Variants in STK31 observed in about 807,000 individuals in gnomAD.
STK31 encodes the protein serine/threonine kinase 31.
STK31 carries 89 observed loss-of-function variants against 129.7 expected under a neutral mutation model. That is an observed-to-expected ratio of 0.69 (90% confidence interval 0.58 to 0.82). STK31 has a LOEUF of 0.82. Ranked by LOEUF, STK31 falls within the 40% of genes least tolerant of loss-of-function variation. The probability of loss-of-function intolerance (pLI) is 0.00; values close to 1 mark genes in which losing one functional copy is unlikely to be tolerated. For missense variants in STK31, 1,187 were observed against 1,176.4 expected (o/e 1.01, Z -0.13); for synonymous variants, 448 against 395.3 (o/e 1.13, Z -1.58).
intron 6 of STK31, among the ~76,000 whole-genome samples, chr7:23,730,878 A>ATTTTTTTTT (rs60712892): frequency 3.5e-4 from 21 of 59,538 alleles, no homozygotes; most frequent in Admixed American, 5.4e-4. Flanking sequence ...ATATATATAT[A>ATTTTTTTTT]TTTTTTTTTT....
At chr7:23,769,309 C>T (rs2128102837) in intron 12 of STK31, 135 bp downstream of exon 12, 1 of 785,904 alleles carries the variant, frequency 1.3e-6, no homozygotes, top group East Asian at 3.1e-5. Flanking sequence ...CCTTACCAGT[C>T]AAGGTTCTTT....
intron 3 of STK31, among the ~76,000 whole-genome samples, chr7:23,714,810 T>A (rs1413126201): frequency 6.6e-6 from 1 of 152,106 alleles, no homozygotes; most frequent in Non-Finnish European, 1.5e-5. Flanking sequence ...GATCAGATGA[T>A]GAGTATTTTA....
intron 15 of STK31, among the ~76,000 whole-genome samples, chr7:23,775,604 GTTCACTCA>G (rs1344650901): frequency 6.6e-6 from 1 of 152,136 alleles, no homozygotes; most frequent in East Asian, 1.9e-4. Flanking sequence ...GTGAATGGGA[GTTCACTCA>G]TGATTTGGCT....
intron 23 of STK31, among the ~76,000 whole-genome samples, chr7:23,822,071 G>A (rs1458782256): frequency 6.6e-6 from 1 of 152,128 alleles, no homozygotes. Context: ...AAGTCAGTGT[G>A]ATGCCTCCAC....
chr7:23,819,022 A>T (rs558024637), intron 23 of STK31, among the ~76,000 whole-genome samples: 35 of 152,304 alleles, frequency 2.3e-4, no homozygotes, highest in South Asian at 2.1e-4. Flanking sequence ...GAAAAAAATT[A>T]TATTTTTATT....
At chr7:23,809,028 T>C (rs145196651) in intron 22 of STK31, among the ~76,000 whole-genome samples, 12 of 149,500 alleles carry the variant, frequency 8.0e-5, no homozygotes, top group East Asian at 4.0e-4. Flanking sequence ...ATCAGAGATA[T>C]AGGGGGGCAA....
chr7:23,730,856 T>TTATATATATA (rs201160478), intron 6 of STK31, among the ~76,000 whole-genome samples: 5 of 75,234 alleles, frequency 6.6e-5, no homozygotes, highest in East Asian at 4.0e-4. Flanking sequence ...ATATAAACAT[T>TTATATATATA]TATATATATA....
At chr7:23,781,657 A>C (rs1163298806) in intron 16 of STK31, 137 bp downstream of exon 16, 1 of 535,328 alleles carries the variant, frequency 1.9e-6, no homozygotes, top group Non-Finnish European at 3.2e-6. Flanking sequence ...TTGACCTGGT[A>C]AGATTTTTGT....
intron 17 of STK31, among the ~76,000 whole-genome samples, chr7:23,783,954 AAAATTTT>A (rs1791097334): frequency 3.3e-5 from 5 of 152,240 alleles, no homozygotes; most frequent in African/African-American, 1.2e-4. Context: ...ATGACAAAAT[AAAATTTT>A]AACTGCTATT....
chr7:23,826,331 T>C (rs532119322), intron 23 of STK31, among the ~76,000 whole-genome samples: 3 of 152,294 alleles, frequency 2.0e-5, no homozygotes, highest in African/African-American at 7.2e-5. Context: ...CTTGTTGAAT[T>C]GATCCCTTTA....
intron 22 of STK31, among the ~76,000 whole-genome samples, chr7:23,797,850 T>C (rs1201454358): frequency 6.6e-6 from 1 of 152,060 alleles, no homozygotes; most frequent in Non-Finnish European, 1.5e-5. Flanking sequence ...ATTAACAAAA[T>C]AGATAGACCA....
At chr7:23,803,767 G>A (rs1792523351) in intron 22 of STK31, among the ~76,000 whole-genome samples, 2 of 152,110 alleles carry the variant, frequency 1.3e-5, no homozygotes. Context: ...CCCCGTGTCT[G>A]TTGTTCCCTT....
chr7:23,790,576 A>G (rs912515611), intron 21 of STK31, among the ~76,000 whole-genome samples: 3 of 152,190 alleles, frequency 2.0e-5, no homozygotes, highest in African/African-American at 4.8e-5. Flanking sequence ...TAATCACAGA[A>G]TAAGTGGTTG....
chr7:23,742,331 C>T (rs945512244), intron 8 of STK31, among the ~76,000 whole-genome samples: 5 of 152,214 alleles, frequency 3.3e-5, no homozygotes, highest in Non-Finnish European at 7.3e-5. Context: ...CAAGTATCCT[C>T]CTGGGGGTGC....
chr7:23,716,555 T>TCCTTC (rs1786335373), intron 3 of STK31, among the ~76,000 whole-genome samples: 1 of 152,172 alleles, frequency 6.6e-6, no homozygotes, highest in African/African-American at 2.4e-5. Flanking sequence ...TTCCCCTCAT[T>TCCTTC]CCTTCCACAT....
chr7:23,758,012 C>T (rs12531940), intron 10 of STK31, among the ~76,000 whole-genome samples: 10,839 of 152,178 alleles, frequency 0.071, 458 homozygotes, highest in East Asian at 0.12. Context: ...AACCTTGAGT[C>T]GACACAGCAC....
At chr7:23,721,945 C>A (rs1353821570) in intron 4 of STK31, among the ~76,000 whole-genome samples, 1 of 152,188 alleles carries the variant, frequency 6.6e-6, no homozygotes, top group Admixed American at 6.5e-5. Flanking sequence ...AAGGACTTCT[C>A]TACACTGTTT....
rs1791325774 is a variant in STK31 at position 23,787,003 on chromosome 7, A to G, written c.2487+79A>G. 8.8e-6 allele frequency: 12 copies of G among 1,368,596 alleles called. 1 individual carries two copies. In the South Asian group the frequency reaches 1.1e-4, roughly 13 times the overall value. The allele number at this position is 1,368,596 out of a possible 1,614,324, so 84.8% of individuals were successfully genotyped here. ...CCTGATATTTATTCAGGCATACTAC[A>G]TGCTATGTATTTTGTAAAATTTTGA... On this transcript the variant is annotated intron_variant, in intron 20 of 23. Transcript: ENST00000355870.
At chr7:23,787,203 C>T (rs1791338761) in intron 20 of STK31, among the ~76,000 whole-genome samples, 1 of 152,192 alleles carries the variant, frequency 6.6e-6, no homozygotes, top group Admixed American at 6.5e-5. Flanking sequence ...CTTACAACTG[C>T]TAAGCTGTGC....
Sources: gnomAD v4.1 joint callset for allele counts (sites outside exome capture counted in the v4.1 genomes callset) on GRCh38, gnomAD v4.1.1 for gene constraint, MANE v1.5 for transcripts, NCBI Gene and HGNC (gene_info 2026-07-23, HGNC 2026-07-21) for gene names.